Variants in STK36 observed in about 807,000 individuals in gnomAD.
STK36 encodes serine/threonine kinase 36.
In STK36, 116 loss-of-function variants were observed where a neutral mutation model predicts 142.2. The ratio of observed to expected loss-of-function variants is 0.82; its 90% confidence interval spans 0.70 to 0.95. STK36 has a LOEUF of 0.95. STK36 is among the 40% of genes least tolerant of loss of function. STK36 has a pLI of 0.00. For missense variants in STK36, 1,422 were observed against 1,617.2 expected, an observed-to-expected ratio of 0.88 and a Z score of 2.07; for synonymous variants, 619 against 641.7, an observed-to-expected ratio of 0.96 and a Z score of 0.53.
intron 11 of STK36, 185 bp from the exon 12 acceptor site, chr2:218,688,512 G>A: frequency 1.4e-6 from 1 of 697,584 alleles, no homozygotes; most frequent in Non-Finnish European, 2.4e-6. Context: ...ACCATCTATT[G>A]TCTTCTTCCC....
At chr2:218,684,106 CTT>C (rs35807157) in intron 10 of STK36, among the ~76,000 whole-genome samples, 3,071 of 105,084 alleles carry the variant, frequency 0.029, 100 homozygotes, top group African/African-American at 0.12. Context: ...GCCTCACGAT[CTT>C]TTTTTTTTTT....
rs192441938 is a variant in STK36, at chr2:218,692,154, C to T, written c.1776C>T (p.Val592=). ...LRRDSLMCFT[V]LCEAMDGNSR... The stretch of plus-strand genomic sequence containing the variant: ...CTTCTCTCCTTTAGTGCTTTACTGT[C>T]CTGTGCGAAGCCATGGATGGGAACA... Residue 592 remains valine (V), a synonymous_variant, in exon 15 of 27, where the codon GTC becomes GTT. Transcript: ENST00000295709. 45 of 1,614,062 alleles carry T rather than the reference C, an allele frequency of 2.8e-5. 1 individual carries two copies. The South Asian group carries it at 2.9e-4, about 10-fold the overall frequency.
Position 218,689,856 on chromosome 2 carries a change from C to A in STK36, c.1561-3C>A, listed in dbSNP as rs1461753644. On this transcript the variant is annotated splice_polypyrimidine_tract_variant and splice_region_variant and intron_variant, in intron 12 of 26. Coordinates refer to ENST00000295709, the MANE Select transcript of STK36 (RefSeq NM_015690.5). Reference sequence around the variant, plus strand: ...CTTACTCTCTTCTCCTTTTCCTGGGCAGCAATCTTGGTATGGGACCTTCTT... The same window carrying A: ...CTTACTCTCTTCTCCTTTTCCTGGGAAGCAATCTTGGTATGGGACCTTCTT... 1.9e-6 allele frequency: 3 copies of A among 1,608,234 alleles called. No homozygotes were observed. Among genetic ancestry groups the A allele is most frequent in the Non-Finnish European group, 2.5e-6 (3 of 1,176,946 alleles).
At position 218,697,590 on chromosome 2, in the gene STK36, C is replaced by A. The variant is rs1450544432; in HGVS notation, c.2889C>A (p.Phe963Leu). Residue 963 changes from phenylalanine (F) to leucine (L), a missense_variant, in exon 24 of 27, where the codon TTC (phenylalanine) becomes TTA (leucine). Coordinates refer to ENST00000295709, the MANE Select transcript of STK36 (RefSeq NM_015690.5). Reference protein sequence around the residue: ...SILKHLLCPSFLNQLRQAPHG... With the variant: ...SILKHLLCPSLLNQLRQAPHG... ...TGAAGCATCTGCTTTGCCCCAGCTTCCTGAATCAACTGCGCCAGGCGTGAG... is the reference window on the plus strand; with the variant it reads ...TGAAGCATCTGCTTTGCCCCAGCTTACTGAATCAACTGCGCCAGGCGTGAG... 2 of 1,614,184 alleles carry A rather than the reference C, an allele frequency of 1.2e-6. No individual in the cohort carries two copies. Among genetic ancestry groups the A allele is most frequent in the East Asian group, 4.5e-5 (2 of 44,880 alleles).
At chr2:218,680,793 C>G in intron 10 of STK36, 91 bp downstream of exon 10, 3 of 1,064,602 alleles carry the variant, frequency 2.8e-6, no homozygotes, top group South Asian at 1.5e-5. Context: ...TCCCAACTCC[C>G]TAAGTATGAG....
Position 218,697,552 on chromosome 2 carries a change from C to T in STK36, c.2851C>T (p.Leu951Phe). ...CTGCCTGTCCCAGCATGGAAGTATC[C>T]TCATGTCCATCCTGAAGCATCTGCT... ...LSCLSQHGSI[L>F]MSILKHLLCP... Residue 951 changes from leucine (L) to phenylalanine (F), a missense_variant, in exon 24 of 27, where the codon CTC (leucine) becomes TTC (phenylalanine). By Grantham distance (22) the Leu-to-Phe change is conservative (BLOSUM62 0). Coordinates refer to ENST00000295709, the MANE Select transcript of STK36 (RefSeq NM_015690.5). 3 of 1,614,232 alleles carry T rather than the reference C, an allele frequency of 1.9e-6. No individual in the cohort carries two copies. Among genetic ancestry groups the T allele is most frequent in the Non-Finnish European group, 2.5e-6 (3 of 1,180,050 alleles).
intron 3 of STK36, 57 bp downstream of exon 3, chr2:218,673,822 C>T: frequency 6.8e-6 from 11 of 1,613,860 alleles, no homozygotes; most frequent in South Asian, 1.1e-5. Flanking sequence ...CCAGGAATTT[C>T]CCAACCTCAG....
rs1272405156 is a variant in STK36, at chr2:218,673,609, A to G, written c.85-16A>G. On this transcript the variant is annotated splice_polypyrimidine_tract_variant and intron_variant, in intron 2 of 26. Coordinates refer to ENST00000295709, the MANE Select transcript of STK36 (RefSeq NM_015690.5). ...TAGTGTGATTAGGCGTTAACTTTTC[A>G]CCTTACCACTGACAGGTCGTGGCCC... The G allele has an allele frequency of 6.2e-7, 1 of 1,605,282 alleles. No homozygotes were observed. The highest frequency in any genetic ancestry group is 1.1e-5 in the South Asian group (1 of 89,658).
At chr2:218,701,663 T>G (rs1941445412) in intron 26 of STK36, among the ~76,000 whole-genome samples, 1 of 152,172 alleles carries the variant, frequency 6.6e-6, no homozygotes, top group Admixed American at 6.5e-5. Flanking sequence ...AGAATGGAAG[T>G]AGACTTCTGG....
chr2:218,696,918 AAAGCGGAAGG>A lies in STK36; in HGVS notation c.2587-118_2587-109del. On this transcript the variant is annotated intron_variant, in intron 22 of 26. Coordinates refer to ENST00000295709, the MANE Select transcript of STK36 (RefSeq NM_015690.5). ...AGACGACAGGGAAATACTAGGTGGG[AAAGCGGAAGG>A]AATTATTTCTGGGACTTCCTTTACT... 2.9e-6 allele frequency: 4 copies of A among 1,384,476 alleles called. No homozygotes were observed. In the East Asian group the frequency reaches 9.1e-5, roughly 32 times the overall value. 85.8% of individuals were successfully genotyped at this position (1,384,476 alleles called of 1,614,324 possible).
Position 218,697,049 on chromosome 2 carries a change from C to CGCTA in STK36, c.2597_2598insGCTA (p.Ser867LeufsTer2). On this transcript the variant is annotated frameshift_variant, in exon 23 of 27. Transcript: ENST00000295709. LOFTEE classifies it high-confidence loss of function. ...CACTTTTATCTCTAGCAGGGGAAGG[C>CGCTA]TAGCCTAATCAGGGATATGTCCAGT... The CGCTA allele has an allele frequency of 6.2e-7, 1 of 1,613,956 alleles. No homozygotes were observed. Among genetic ancestry groups the CGCTA allele is most frequent in the Non-Finnish European group, 8.5e-7 (1 of 1,179,934 alleles).
At position 218,687,129 on chromosome 2, in the gene STK36, A is replaced by G. The variant is rs185401843; in HGVS notation, c.1381-1568A>G. Among the ~76,000 whole-genome samples the G allele has an allele frequency of 3.3e-3, 498 of 152,252 alleles. 1 individual carries two copies. Among genetic ancestry groups the G allele is most frequent in the African/African-American group, 0.012 (482 of 41,552 alleles). On this transcript the variant is annotated intron_variant, in intron 11 of 26. Coordinates refer to ENST00000295709, the MANE Select transcript of STK36 (RefSeq NM_015690.5). Reference sequence around the variant, plus strand: ...GTTGTTTGCGTTATTGAGTTGTAAGACTTCTTTGTATATTGTCAACATAAG... The same window carrying G: ...GTTGTTTGCGTTATTGAGTTGTAAGGCTTCTTTGTATATTGTCAACATAAG...
chr2:218,681,928 A>AT (rs200989692), intron 10 of STK36, among the ~76,000 whole-genome samples: 10,467 of 151,948 alleles, frequency 0.069, 522 homozygotes, highest in Non-Finnish European at 0.093. Context: ...CTTTTTATTT[A>AT]TTTTTTTTAT....
chr2:218,697,560 C>T lies in STK36; in HGVS notation c.2859C>T (p.Ser953=). 6.2e-7 allele frequency: 1 copy of T among 1,614,240 alleles called. No homozygotes were observed. The highest frequency in any genetic ancestry group is 8.5e-7 in the Non-Finnish European group (1 of 1,180,044). The part of the protein sequence containing the change: ...CLSQHGSILM[S]ILKHLLCPSF... Reference sequence around the variant, plus strand: ...CCCAGCATGGAAGTATCCTCATGTCCATCCTGAAGCATCTGCTTTGCCCCA... The same window carrying T: ...CCCAGCATGGAAGTATCCTCATGTCTATCCTGAAGCATCTGCTTTGCCCCA... The change falls in exon 24 of 27, where the codon TCC becomes TCT. Residue 953 remains serine, a synonymous_variant. Coordinates refer to ENST00000295709, the MANE Select transcript of STK36 (RefSeq NM_015690.5).
chr2:218,697,315 T>C (rs941185676), intron 23 of STK36, 102 bp downstream of exon 23: 189 of 1,520,884 alleles, frequency 1.2e-4, no homozygotes, highest in Non-Finnish European at 1.6e-4. Context: ...TTTTTTGCTT[T>C]TGCCTGGGGA....
intron 26 of STK36, 26 bp from the exon 27 acceptor site, chr2:218,701,840 T>G (rs1384766264): frequency 6.2e-7 from 1 of 1,612,990 alleles, no homozygotes. Flanking sequence ...CATGTTCTGT[T>G]CTATCATCTG....
Position 218,693,955 on chromosome 2 carries a change from G to A in STK36, c.2308G>A (p.Val770Ile). Residue 770 changes from valine (V) to isoleucine (I), a missense_variant, in exon 19 of 27, where the codon GTC (valine) becomes ATC (isoleucine). Coordinates refer to ENST00000295709, the MANE Select transcript of STK36 (RefSeq NM_015690.5). ...EVTLYFLSLL[V>I]FRLQNLPCGM... ...GACACTCTACTTCCTCTCCCTTCTT[G>A]TCTTTCGGCTCCAAAACCTGCCTTG... 3 of 1,614,240 alleles carry A rather than the reference G, an allele frequency of 1.9e-6. No homozygotes were observed. The highest frequency in any genetic ancestry group is 2.5e-6 in the Non-Finnish European group (3 of 1,180,042).
chr2:218,694,502 C>G lies in STK36; in HGVS notation c.2401-23C>G. On this transcript the variant is annotated intron_variant, in intron 20 of 26. Coordinates refer to ENST00000295709, the MANE Select transcript of STK36 (RefSeq NM_015690.5). The surrounding 1 kb of genome is among the most constrained non-coding windows in gnomAD (Gnocchi z 4.4). The stretch of plus-strand genomic sequence containing the variant: ...TGCCATTTAGATTTGGACATTCTTT[C>G]TCCTCTTTTACCTCTCCCACAGAGT... 1 of 1,608,232 alleles carries G rather than the reference C, an allele frequency of 6.2e-7. No individual in the cohort carries two copies. Among genetic ancestry groups the G allele is most frequent in the Non-Finnish European group, 8.5e-7 (1 of 1,174,658 alleles).
Position 218,698,758 on chromosome 2 carries a change from A to T in STK36, c.3214A>T (p.Ser1072Cys). 1.2e-6 allele frequency: 2 copies of T among 1,614,046 alleles called. No homozygotes were observed. The highest frequency in any genetic ancestry group is 2.2e-5 in the South Asian group (2 of 91,072). The change falls in exon 26 of 27, where the codon AGT becomes TGT. Residue 1072 changes from serine (S) to cysteine (C), a missense_variant. Coordinates refer to ENST00000295709, the MANE Select transcript of STK36 (RefSeq NM_015690.5). ...IVSFLSVALL[S>C]DQPLLTSDLL... ...CTCGTTTCTCTCAGTTGCCCTCCTG[A>T]GTGACCAGCCACTGTTGACCTCCGA...
Sources: allele counts gnomAD v4.1 joint callset (sites outside exome capture counted in the v4.1 genomes callset), GRCh38; gene constraint gnomAD v4.1.1; non-coding constraint Gnocchi (gnomAD v3.1); transcripts MANE v1.5; gene names NCBI Gene and HGNC (gene_info 2026-07-23, HGNC 2026-07-21).